The following KLF9 variants were observed in gnomAD, a reference collection of about 807,000 sequenced individuals.
The protein encoded by KLF9 is KLF transcription factor 9, also known as Krueppel-like factor 9.
In KLF9, 2 loss-of-function variants were observed where a neutral mutation model predicts 17.3. That is an observed-to-expected ratio of 0.12 (90% confidence interval 0.05 to 0.36). KLF9 has a LOEUF of 0.36. Among genes scored for constraint, KLF9 ranks in the 10% least tolerant of loss-of-function variants. The pLI is 1.00. For missense variants in KLF9, 226 were observed against 333.2 expected (o/e 0.68, Z 2.51); for synonymous variants, 138 against 139.2 (o/e 0.99, Z 0.06).
At chr9:70,412,478 TTAAA>T (rs1473291588) in intron 1 of KLF9, among the ~76,000 whole-genome samples, 1 of 152,106 alleles carries the variant, frequency 6.6e-6, no homozygotes, top group Non-Finnish European at 1.5e-5. Flanking sequence ...GACAAGAGAA[TTAAA>T]TAAAAGATAC....
At position 70,393,038 on chromosome 9, in the gene KLF9, C is replaced by G. The variant is rs1438165255; in HGVS notation, c.506-5033G>C. Among the ~76,000 whole-genome samples, 3 of 152,170 alleles carry G rather than the reference C, an allele frequency of 2.0e-5. No individual in the cohort carries two copies. The East Asian group carries it at 5.8e-4, about 29-fold the overall frequency. ...TCTCTGAGTTCTCATTATTTATATACCACTCCCCGCCCCTTTCAGTAACAA... is the reference window on the plus strand; with the variant it reads ...TCTCTGAGTTCTCATTATTTATATAGCACTCCCCGCCCCTTTCAGTAACAA... On this transcript the variant is annotated intron_variant, in intron 1 of 1. Transcript: ENST00000377126.
intron 1 of KLF9, among the ~76,000 whole-genome samples, chr9:70,399,570 C>A (rs1023121735): frequency 1.3e-5 from 2 of 152,218 alleles, no homozygotes; most frequent in Non-Finnish European, 2.9e-5. Context: ...ATTTTTATCA[C>A]CATGGAATTC....
At chr9:70,412,284 C>T (rs567886396) in intron 1 of KLF9, among the ~76,000 whole-genome samples, 1 of 150,376 alleles carries the variant, frequency 6.6e-6, no homozygotes, top group Non-Finnish European at 1.5e-5. Flanking sequence ...TGATCAGACT[C>T]CTATGCTGCC....
In KLF9 at chr9:70,413,078, C is replaced by A. The variant is rs1237595307; in HGVS notation, c.286G>T (p.Asp96Tyr). The change falls in exon 1 of 2, where the codon GAC becomes TAC. Residue 96 changes from aspartate (D) to tyrosine (Y), a missense_variant. By Grantham distance (160) the Asp-to-Tyr change is radical. Coordinates refer to ENST00000377126, the MANE Select transcript of KLF9 (RefSeq NM_001206.4). This position sits in a 1 kb window ranked among gnomAD's most constrained non-coding sequence, Gnocchi z 5.6. ...LESPDEDMGS[D>Y]SDVTTESGSS... Reference sequence around the variant, plus strand: ...CCAGATTCGGTGGTCACGTCGCTGTCGGATCCCATATCCTCATCTGGACTT... The same window carrying A: ...CCAGATTCGGTGGTCACGTCGCTGTAGGATCCCATATCCTCATCTGGACTT... 6.2e-7 allele frequency: 1 copy of A among 1,614,048 alleles called. No homozygotes were observed. Among genetic ancestry groups the A allele is most frequent in the Non-Finnish European group, 8.5e-7 (1 of 1,179,970 alleles).
intron 1 of KLF9, among the ~76,000 whole-genome samples, chr9:70,389,408 T>G (rs1332585699): frequency 6.6e-6 from 1 of 152,198 alleles, no homozygotes; most frequent in Non-Finnish European, 1.5e-5. Flanking sequence ...GGTTAAACTC[T>G]GTACTCAGGG....
intron 1 of KLF9, among the ~76,000 whole-genome samples, chr9:70,390,381 TG>T (rs1057318815): frequency 6.6e-6 from 1 of 151,722 alleles, no homozygotes; most frequent in African/African-American, 2.4e-5. Flanking sequence ...TGCTCGGGGA[TG>T]GGGCTGCAAA....
chr9:70,407,274 C>T (rs539786157), intron 1 of KLF9, among the ~76,000 whole-genome samples: 7 of 152,314 alleles, frequency 4.6e-5, no homozygotes, highest in African/African-American at 1.4e-4. Context: ...ATCTGACCCT[C>T]ATGTTCAGAA....
intron 1 of KLF9, among the ~76,000 whole-genome samples, chr9:70,406,025 C>T (rs1436846811): frequency 1.3e-5 from 2 of 152,224 alleles, no homozygotes; most frequent in African/African-American, 4.8e-5. Flanking sequence ...CACTCCACCT[C>T]TGCCCTTTCA....
At chr9:70,406,002 G>C (rs980204924) in intron 1 of KLF9, among the ~76,000 whole-genome samples, 1 of 152,112 alleles carries the variant, frequency 6.6e-6, no homozygotes, top group Non-Finnish European at 1.5e-5. Context: ...AAAGGGCATA[G>C]GCCACCCCAG....
chr9:70,412,238 CAGG>C (rs1377742559), intron 1 of KLF9, among the ~76,000 whole-genome samples: 2 of 137,150 alleles, frequency 1.5e-5, no homozygotes, highest in Non-Finnish European at 3.1e-5. Flanking sequence ...CCTGGCTCAT[CAGG>C]AGGACTCATG....
intron 1 of KLF9, among the ~76,000 whole-genome samples, chr9:70,401,686 CAAAAAAAAA>C (rs34988097): frequency 1.5e-5 from 1 of 66,510 alleles, no homozygotes; most frequent in African/African-American, 5.3e-5. Flanking sequence ...GACTCCTTCA[CAAAAAAAAA>C]AAAAAAAAAA....
chr9:70,392,724 G>C (rs1280250213), intron 1 of KLF9, among the ~76,000 whole-genome samples: 1 of 152,154 alleles, frequency 6.6e-6, no homozygotes, highest in Non-Finnish European at 1.5e-5. Context: ...TGGCAGCCTG[G>C]GGGAAACCAA....
chr9:70,393,537 T>G (rs1361308483), intron 1 of KLF9, among the ~76,000 whole-genome samples: 1 of 152,178 alleles, frequency 6.6e-6, no homozygotes, highest in African/African-American at 2.4e-5. Flanking sequence ...CCTACCTGGT[T>G]CTTCTCATCT....
intron 1 of KLF9, among the ~76,000 whole-genome samples, chr9:70,409,526 C>T (rs1037977748): frequency 2.6e-5 from 4 of 151,894 alleles, no homozygotes; most frequent in African/African-American, 9.7e-5. Context: ...TACCACCCGC[C>T]CCCCAAAATC....
At chr9:70,389,272 C>G (rs1259143704) in intron 1 of KLF9, among the ~76,000 whole-genome samples, 1 of 152,174 alleles carries the variant, frequency 6.6e-6, no homozygotes, top group East Asian at 1.9e-4. Flanking sequence ...CTATATTCCT[C>G]ATAAAAGATG....
intron 1 of KLF9, among the ~76,000 whole-genome samples, chr9:70,394,840 G>T (rs1177502859): frequency 6.6e-6 from 1 of 152,108 alleles, no homozygotes. Flanking sequence ...CAATATAAAA[G>T]AAAATGAACA....
intron 1 of KLF9, among the ~76,000 whole-genome samples, chr9:70,401,452 G>A (rs1475382135): frequency 2.0e-5 from 3 of 151,792 alleles, no homozygotes; most frequent in Non-Finnish European, 4.4e-5. Context: ...TTGGAAGGCC[G>A]AGGCCGGTGA....
Position 70,413,031 on chromosome 9 carries a change from C to T in KLF9, c.333G>A (p.Pro111=), listed in dbSNP as rs529189707. The T allele has an allele frequency of 2.5e-6, 4 of 1,614,084 alleles. No homozygotes were observed. The highest frequency in any genetic ancestry group is 4.5e-5 in the East Asian group (2 of 44,874). The change falls in exon 1 of 2, where the codon CCG becomes CCA. Residue 111 remains proline, a synonymous_variant. Coordinates refer to ENST00000377126, the MANE Select transcript of KLF9 (RefSeq NM_001206.4). This position sits in a 1 kb window ranked among gnomAD's most constrained non-coding sequence, Gnocchi z 5.6. ...TESGSSPSHS[P]EERQDPGSAP... is the part of the protein sequence containing the mutation. ...CGCTGCCAGGATCCTGTCTCTCCTCCGGGCTGTGGGAAGGACTCGACCCAG... is the reference window on the plus strand; with the variant it reads ...CGCTGCCAGGATCCTGTCTCTCCTCTGGGCTGTGGGAAGGACTCGACCCAG...
chr9:70,390,879 C>T (rs2037149391), intron 1 of KLF9, among the ~76,000 whole-genome samples: 1 of 152,076 alleles, frequency 6.6e-6, no homozygotes, highest in Non-Finnish European at 1.5e-5. Flanking sequence ...TGCAAAAAGC[C>T]AAACCAAACC....
Sources: gnomAD v4.1 joint callset for allele counts (sites outside exome capture counted in the v4.1 genomes callset) on GRCh38, gnomAD v4.1.1 for gene constraint, Gnocchi (gnomAD v3.1) non-coding constraint, MANE v1.5 for transcripts, NCBI Gene and HGNC (gene_info 2026-07-23, HGNC 2026-07-21) for gene names.